Variants in ARMC2 observed in about 807,000 individuals in gnomAD.
The protein encoded by ARMC2 is armadillo repeat-containing protein 2.
A neutral mutation model predicts 90.3 loss-of-function variants in ARMC2; 67 were observed. That is an observed-to-expected ratio of 0.74 (90% CI 0.61 to 0.91). The LOEUF is 0.91. ARMC2 is among the 40% of genes least tolerant of loss of function. ARMC2 has a pLI of 0.00. For missense variants in ARMC2, 920 were observed against 1,030.9 expected, an observed-to-expected ratio of 0.89 and a Z score of 1.47; for synonymous variants, 393 against 393.0, an observed-to-expected ratio of 1.00 and a Z score of 0.00.
At chr6:108,983,349 C>T in the ARMC2 span, among the ~76,000 whole-genome samples, 1 of 152,118 alleles carries the variant, frequency 6.6e-6, no homozygotes, top group South Asian at 2.1e-4. Context: ...GAAATCATTG[C>T]CAAATCCAAT....
intron 10 of ARMC2, among the ~76,000 whole-genome samples, chr6:108,919,345 T>A (rs1307943212): frequency 6.6e-6 from 1 of 152,226 alleles, no homozygotes; most frequent in Non-Finnish European, 1.5e-5. Context: ...TAATTCTTTA[T>A]CTTGCGCGAC....
chr6:108,852,401 T>C (rs1190747624), intron 1 of ARMC2, among the ~76,000 whole-genome samples: 2 of 152,188 alleles, frequency 1.3e-5, no homozygotes, highest in Non-Finnish European at 2.9e-5. Context: ...GAAAATTGTG[T>C]TAGAATTTTT....
At chr6:108,858,126 G>T (rs1469077332) in intron 2 of ARMC2, 73 bp from the exon 3 acceptor site, 1 of 1,208,470 alleles carries the variant, frequency 8.3e-7, no homozygotes, top group Non-Finnish European at 1.2e-6. Context: ...TTTAGCTAGG[G>T]TTAACTAATA....
the ARMC2 span, among the ~76,000 whole-genome samples, chr6:109,025,855 T>A: frequency 9.9e-5 from 15 of 151,414 alleles, no homozygotes; most frequent in Non-Finnish European, 2.1e-4. Context: ...AATACATATA[T>A]AATTGGAAGG....
At chr6:109,023,740 CAAAAT>C in the ARMC2 span, among the ~76,000 whole-genome samples, 14 of 151,820 alleles carry the variant, frequency 9.2e-5, no homozygotes, top group African/African-American at 3.1e-4. Flanking sequence ...TTGGATCTAA[CAAAAT>C]AAAATGAGTA....
At chr6:108,950,225 A>C (rs899936611) in intron 12 of ARMC2, among the ~76,000 whole-genome samples, 1 of 152,166 alleles carries the variant, frequency 6.6e-6, no homozygotes, top group East Asian at 1.9e-4. Context: ...AACAAAAAAA[A>C]CAAACAAACT....
At chr6:108,849,582 T>C (rs754014438) in intron 1 of ARMC2, among the ~76,000 whole-genome samples, 1 of 152,236 alleles carries the variant, frequency 6.6e-6, no homozygotes, top group Non-Finnish European at 1.5e-5. Flanking sequence ...TTCTCTCTTT[T>C]GCAATTTCTT....
chr6:108,938,930 G>A (rs542049778), intron 12 of ARMC2, among the ~76,000 whole-genome samples: 1 of 152,100 alleles, frequency 6.6e-6, no homozygotes, highest in South Asian at 2.1e-4. Context: ...AGAGATATCA[G>A]TATGGCTAAG....
chr6:108,998,947 T>G, the ARMC2 span: 1 of 513,842 alleles, frequency 1.9e-6, no homozygotes, highest in Non-Finnish European at 3.4e-6. Context: ...GAACTTAACA[T>G]AATCTGTTAA....
intron 7 of ARMC2, among the ~76,000 whole-genome samples, chr6:108,900,504 C>T (rs1772019943): frequency 6.6e-6 from 1 of 152,216 alleles, no homozygotes; most frequent in Non-Finnish European, 1.5e-5. Context: ...GCACACAGTG[C>T]ACAGTAAGCC....
At chr6:109,006,132 G>A in the ARMC2 span, among the ~76,000 whole-genome samples, 2 of 152,100 alleles carry the variant, frequency 1.3e-5, no homozygotes, top group African/African-American at 2.4e-5. Flanking sequence ...TATACTACCT[G>A]TAAACAAAGA....
At chr6:108,885,935 A>G (rs566169199) in intron 5 of ARMC2, among the ~76,000 whole-genome samples, 98 of 152,328 alleles carry the variant, frequency 6.4e-4, no homozygotes, top group African/African-American at 2.3e-3. Context: ...TCTTTTACCT[A>G]TTGTCCATGG....
intron 10 of ARMC2, among the ~76,000 whole-genome samples, chr6:108,919,868 G>A (rs1414495654): frequency 2.6e-5 from 4 of 151,964 alleles, no homozygotes; most frequent in East Asian, 1.9e-4. Context: ...TTATATAAAC[G>A]GAATATACAG....
chr6:108,946,930 T>C (rs1776847368), intron 12 of ARMC2, among the ~76,000 whole-genome samples: 1 of 152,140 alleles, frequency 6.6e-6, no homozygotes, highest in Non-Finnish European at 1.5e-5. Context: ...TGGCTGGCCA[T>C]GGGCAGAGAG....
chr6:109,009,448 C>A, the ARMC2 span: 1 of 1,339,186 alleles, frequency 7.5e-7, no homozygotes, highest in South Asian at 1.9e-5. Context: ...TTCGCGGCGG[C>A]GGCCAAGCGC....
At chr6:108,856,020 A>T (rs1774560387) in intron 2 of ARMC2, among the ~76,000 whole-genome samples, 1 of 152,078 alleles carries the variant, frequency 6.6e-6, no homozygotes. Context: ...TCTTCTCTTG[A>T]TAGTGTCTTT....
intron 10 of ARMC2, among the ~76,000 whole-genome samples, chr6:108,915,009 A>G (rs1200809280): frequency 6.6e-6 from 1 of 151,512 alleles, no homozygotes; most frequent in Non-Finnish European, 1.5e-5. Flanking sequence ...TTGGAGTGCA[A>G]TGGTGTGACC....
At chr6:108,926,725 CA>C (rs923207428) in intron 10 of ARMC2, among the ~76,000 whole-genome samples, 44 of 137,028 alleles carry the variant, frequency 3.2e-4, no homozygotes, top group African/African-American at 3.5e-4. Context: ...ACTCTGTCTC[CA>C]AAAAAAAAAA....
the ARMC2 span, among the ~76,000 whole-genome samples, chr6:108,989,255 G>A: frequency 6.6e-6 from 1 of 152,126 alleles, no homozygotes; most frequent in Non-Finnish European, 1.5e-5. Flanking sequence ...TGCCCGCCTT[G>A]GCTTCCCAAA....
Sources: allele counts gnomAD v4.1 joint callset (sites outside exome capture counted in the v4.1 genomes callset), GRCh38; gene constraint gnomAD v4.1.1; transcripts MANE v1.5; gene names NCBI Gene and HGNC (gene_info 2026-07-23, HGNC 2026-07-21).